Variants in SLCO6A1 observed in about 807,000 individuals in gnomAD.
SLCO6A1 encodes the protein solute carrier organic anion transporter family member 6A1, also known as cancer/testis antigen 48.
Under a neutral mutation model 72.7 loss-of-function variants are expected in SLCO6A1, and 65 were observed. The observed-to-expected ratio is 0.89, with a 90% CI of 0.73 to 1.10. The LOEUF (loss-of-function observed/expected upper bound fraction) is 1.10, where lower values mean the gene tolerates loss of function less well. Ranked by LOEUF, SLCO6A1 falls within the 50% of genes least tolerant of loss-of-function variation. SLCO6A1 has a pLI of 0.00. For missense variants in SLCO6A1, 874 were observed against 872.6 expected (o/e 1.00, Z -0.02); for synonymous variants, 314 against 298.2 (o/e 1.05, Z -0.55).
chr5:102,478,920 G>A (rs139383518), intron 2 of SLCO6A1, among the ~76,000 whole-genome samples: 1 of 152,156 alleles, frequency 6.6e-6, no homozygotes, highest in Non-Finnish European at 1.5e-5. Context: ...AATGCCAAAG[G>A]TTCAATTTTA....
chr5:102,392,168 A>G (rs1383792264), intron 10 of SLCO6A1, among the ~76,000 whole-genome samples: 1 of 152,086 alleles, frequency 6.6e-6, no homozygotes, highest in Admixed American at 6.6e-5. Flanking sequence ...ATATTTTGCA[A>G]AAAGTGAGAT....
intron 7 of SLCO6A1, among the ~76,000 whole-genome samples, chr5:102,436,722 C>A (rs865936369): frequency 1.3e-5 from 2 of 152,124 alleles, no homozygotes; most frequent in African/African-American, 2.4e-5. Context: ...TTCAGAAACA[C>A]CTGCTGTTGT....
chr5:102,413,852 G>T lies in SLCO6A1; in HGVS notation c.1473-709C>A, dbSNP rs115396503. ...TATTTTGGGTTTTAATAGGCATTTT[G>T]CTAGTGACAAATGATGTCGATCATC... On this transcript the variant is annotated intron_variant, in intron 8 of 13. Transcript: ENST00000506729. Among the ~76,000 whole-genome samples the T allele has an allele frequency of 2.0e-3, 300 of 152,176 alleles. 3 individuals are homozygous for T. Among genetic ancestry groups the T allele is most frequent in the African/African-American group, 7.0e-3 (290 of 41,546 alleles).
chr5:102,445,254 T>C (rs1020882456), intron 6 of SLCO6A1, among the ~76,000 whole-genome samples: 1 of 152,202 alleles, frequency 6.6e-6, no homozygotes, highest in Admixed American at 6.5e-5. Context: ...CTTTTTAAAA[T>C]AGCCATTTTT....
intron 1 of SLCO6A1, among the ~76,000 whole-genome samples, chr5:102,489,898 G>C (rs955239890): frequency 2.4e-4 from 36 of 152,094 alleles, no homozygotes; most frequent in African/African-American, 7.5e-4. Flanking sequence ...ATACATAATG[G>C]AATATTGTTC....
intron 7 of SLCO6A1, among the ~76,000 whole-genome samples, chr5:102,438,361 C>CTAG (rs1387978613): frequency 6.6e-6 from 1 of 151,870 alleles, no homozygotes; most frequent in African/African-American, 2.4e-5. Context: ...ATGATTCACT[C>CTAG]TGACTTCAGA....
rs181866649 is a variant in SLCO6A1 at position 102,431,162 on chromosome 5, G to T, written c.1276+7455C>A. On this transcript the variant is annotated intron_variant, in intron 7 of 13. Transcript: ENST00000506729. ...AATATCCTCCTTATCATTTCTAATT[G>T]TGTTTATTTGGATCTTCTCTCTTAT... Among the ~76,000 whole-genome samples, 468 of 150,850 alleles carry T rather than the reference G, an allele frequency of 3.1e-3. 3 individuals carry two copies. Among genetic ancestry groups the T allele is most frequent in the African/African-American group, 0.011 (453 of 41,334 alleles).
intron 4 of SLCO6A1, among the ~76,000 whole-genome samples, chr5:102,462,914 AT>A (rs1464893558): frequency 6.6e-6 from 1 of 152,152 alleles, no homozygotes; most frequent in Non-Finnish European, 1.5e-5. Context: ...TAAAGCAAAA[AT>A]AAAGATGAGA....
rs138604875 is a variant in SLCO6A1 at position 102,476,268 on chromosome 5, C to A, written c.803-475G>T. ...CTTCAAAAAACAAAGACATAGAGAA[C>A]AGACAGATTCATTTTAAGGAATTGG... On this transcript the variant is annotated intron_variant, in intron 3 of 13. Coordinates refer to ENST00000506729, the MANE Select transcript of SLCO6A1 (RefSeq NM_173488.5). 8.3e-3 allele frequency among the ~76,000 whole-genome samples: 1,257 copies of A among 152,130 alleles called. 12 individuals are homozygous for A. Among genetic ancestry groups the A allele is most frequent in the Non-Finnish European group, 0.015 (1,007 of 67,980 alleles).
At chr5:102,405,399 A>T (rs529855080) in intron 9 of SLCO6A1, among the ~76,000 whole-genome samples, 59 of 149,350 alleles carry the variant, frequency 4.0e-4, no homozygotes, top group South Asian at 8.5e-4. Context: ...AGCAAAATTT[A>T]AAAAAAAAAG....
chr5:102,389,445 G>GCCCCCCCCCCC (rs200901362), intron 11 of SLCO6A1, among the ~76,000 whole-genome samples: 1 of 35,166 alleles, frequency 2.8e-5, no homozygotes, highest in African/African-American at 1.1e-4. Context: ...CACACACCCC[G>GCCCCCCCCCCC]CCCCCCACCC....
chr5:102,481,219 T>C (rs931324006), intron 1 of SLCO6A1, among the ~76,000 whole-genome samples: 1 of 110,650 alleles, frequency 9.0e-6, no homozygotes, highest in Non-Finnish European at 2.0e-5. Flanking sequence ...CTGTTAGAAC[T>C]GCAATCACTA....
At chr5:102,479,162 G>A (rs1752059407) in intron 2 of SLCO6A1, among the ~76,000 whole-genome samples, 1 of 152,092 alleles carries the variant, frequency 6.6e-6, no homozygotes, top group Non-Finnish European at 1.5e-5. Flanking sequence ...CCCCCTTGCT[G>A]TTCTCGTGAT....
chr5:102,458,789 AATTTTAATTT>A (rs768690226), intron 5 of SLCO6A1, among the ~76,000 whole-genome samples: 9 of 152,252 alleles, frequency 5.9e-5, no homozygotes, highest in Non-Finnish European at 1.0e-4. Context: ...GAATAAATAA[AATTTTAATTT>A]ATTTTAAAAT....
chr5:102,395,171 C>T (rs1281239115), intron 10 of SLCO6A1, among the ~76,000 whole-genome samples: 1 of 152,020 alleles, frequency 6.6e-6, no homozygotes, highest in South Asian at 2.1e-4. Flanking sequence ...GGTATATCTC[C>T]TAATGCTATC....
At chr5:102,458,021 C>T (rs1156532929) in intron 6 of SLCO6A1, among the ~76,000 whole-genome samples, 5 of 151,852 alleles carry the variant, frequency 3.3e-5, no homozygotes, top group South Asian at 2.1e-4. Context: ...AAACACTGCA[C>T]GTTCTCACTC....
intron 12 of SLCO6A1, among the ~76,000 whole-genome samples, chr5:102,377,266 C>A (rs1197823461): frequency 1.3e-5 from 2 of 152,116 alleles, no homozygotes; most frequent in Non-Finnish European, 2.9e-5. Flanking sequence ...AGCATATTCA[C>A]AAATTGAAAT....
chr5:102,387,273 A>T (rs1460870798), intron 12 of SLCO6A1, among the ~76,000 whole-genome samples: 1 of 152,320 alleles, frequency 6.6e-6, no homozygotes, highest in African/African-American at 2.4e-5. Context: ...CCACACATGC[A>T]TAATGTTGCA....
chr5:102,402,969 T>C (rs970751773), intron 9 of SLCO6A1, among the ~76,000 whole-genome samples: 1 of 152,184 alleles, frequency 6.6e-6, no homozygotes, highest in Non-Finnish European at 1.5e-5. Flanking sequence ...TCCAGAGAAC[T>C]CTGAAAACCA....
Sources: allele counts gnomAD v4.1 joint callset (sites outside exome capture counted in the v4.1 genomes callset), GRCh38; gene constraint gnomAD v4.1.1; transcripts MANE v1.5; gene names NCBI Gene and HGNC (gene_info 2026-07-23, HGNC 2026-07-21).